GRAMD1B: variants seen among roughly 807,000 people sequenced by gnomAD.
GRAMD1B encodes the protein protein Aster-B.
Under a neutral mutation model 99.7 loss-of-function variants are expected in GRAMD1B, and 37 were observed. That is an observed-to-expected ratio of 0.37 (90% CI 0.29 to 0.49). The LOEUF (loss-of-function observed/expected upper bound fraction) is 0.49, where lower values mean the gene tolerates loss of function less well. Ranked by LOEUF, GRAMD1B falls within the 20% of genes least tolerant of loss-of-function variation. The pLI, the probability that GRAMD1B is intolerant of heterozygous loss-of-function variation, is 0.98. For synonymous variants in GRAMD1B, 427 were observed against 387.6 expected (o/e 1.10, Z -1.19); for missense variants, 888 against 1,009.2 (o/e 0.88, Z 1.63).
chr11:123,552,273 C>CTTTTTTTTTTTT (rs71060514), intron 2 of GRAMD1B, among the ~76,000 whole-genome samples: 1 of 119,338 alleles, frequency 8.4e-6, no homozygotes, highest in Non-Finnish European at 1.7e-5. Context: ...CTCTTTCTTT[C>CTTTTTTTTTTTT]TTTTTTTTTT....
chr11:123,526,418 A>G lies in GRAMD1B; in HGVS notation c.452+45525A>G, dbSNP rs140090563. ...TTGTGGAAGTTGAGGGGCAGTGGAGAGAATCAAATTGCAGCTAAAACGTTC... is the reference window on the plus strand; with the variant it reads ...TTGTGGAAGTTGAGGGGCAGTGGAGGGAATCAAATTGCAGCTAAAACGTTC... On this transcript the variant is annotated intron_variant, in intron 2 of 19. Transcript: ENST00000635736. Among the ~76,000 whole-genome samples, 20 of 152,246 alleles carry G rather than the reference A, an allele frequency of 1.3e-4. No homozygotes were observed. The East Asian group carries it at 3.3e-3, about 25-fold the overall frequency.
chr11:123,419,989 C>A (rs990554258), intron 1 of GRAMD1B, among the ~76,000 whole-genome samples: 1 of 152,046 alleles, frequency 6.6e-6, no homozygotes, highest in Non-Finnish European at 1.5e-5. Flanking sequence ...TGTGAACAAG[C>A]CTTCAAAAAG....
chr11:123,583,215 C>T (rs1157536281), intron 3 of GRAMD1B, among the ~76,000 whole-genome samples: 7 of 146,140 alleles, frequency 4.8e-5, no homozygotes, highest in South Asian at 4.4e-4. Context: ...TGTATTCGTG[C>T]GTGTGTGGTG....
intron 10 of GRAMD1B, among the ~76,000 whole-genome samples, chr11:123,606,003 G>C (rs2136852960): frequency 1.3e-5 from 2 of 152,274 alleles, no homozygotes; most frequent in African/African-American, 4.8e-5. Context: ...ACCTTGATGA[G>C]GAAAGAGGGT....
At chr11:123,423,969 C>A (rs372470772) in intron 1 of GRAMD1B, among the ~76,000 whole-genome samples, 68 of 152,238 alleles carry the variant, frequency 4.5e-4, no homozygotes, top group African/African-American at 1.5e-3. Flanking sequence ...CTCGGCTTCC[C>A]AGTGATTGCT....
chr11:123,387,755 G>A lies in GRAMD1B; in HGVS notation c.-176+28956G>A, dbSNP rs1275781630. ...CCCCGCCCCACAAGTAGCCTGTTTG[G>A]CCTAGGAATGTGCAACCCTTTTTTC... On this transcript the variant is annotated intron_variant, in intron 1 of 20. Coordinates refer to the GRAMD1B transcript ENST00000638157. Among the ~76,000 whole-genome samples the A allele has an allele frequency of 5.5e-5, 7 of 128,140 alleles. No homozygotes were observed. The East Asian group carries it at 1.7e-3, about 31-fold the overall frequency. 84.1% of individuals were successfully genotyped at this position (128,140 alleles called of 152,430 possible). A position where few individuals can be genotyped will look rare whatever the true frequency, so the allele number is the denominator to read the frequency against.
intron 9 of GRAMD1B, 74 bp downstream of exon 9, chr11:123,603,615 GA>G (rs1952289198): frequency 6.0e-6 from 5 of 835,992 alleles, no homozygotes; most frequent in Non-Finnish European, 1.0e-5. Context: ...CAGGCAGAGG[GA>G]ACAGCACACA....
intron 1 of GRAMD1B, among the ~76,000 whole-genome samples, chr11:123,471,160 G>C (rs1184145965): frequency 6.6e-6 from 1 of 152,032 alleles, no homozygotes; most frequent in Non-Finnish European, 1.5e-5. Context: ...ACCTCATATG[G>C]GCCCAGGCAT....
intron 2 of GRAMD1B, among the ~76,000 whole-genome samples, chr11:123,484,416 T>C (rs1307338220): frequency 2.6e-5 from 4 of 152,120 alleles, no homozygotes; most frequent in Admixed American, 1.3e-4. Context: ...TATTCTAATT[T>C]CTCCTCTCTA....
chr11:123,420,278 A>G (rs1274122458), intron 1 of GRAMD1B, among the ~76,000 whole-genome samples: 1 of 152,194 alleles, frequency 6.6e-6, no homozygotes, highest in Non-Finnish European at 1.5e-5. Context: ...TAATGGAACC[A>G]GGAAGCACCA....
At chr11:123,388,743 C>T (rs1565466514) in intron 1 of GRAMD1B, among the ~76,000 whole-genome samples, 1 of 151,958 alleles carries the variant, frequency 6.6e-6, no homozygotes, top group Non-Finnish European at 1.5e-5. Flanking sequence ...AGCTTTTTTG[C>T]CCCTTCTGCT....
At chr11:123,488,385 C>T (rs184410437) in intron 2 of GRAMD1B, among the ~76,000 whole-genome samples, 16 of 152,234 alleles carry the variant, frequency 1.1e-4, no homozygotes, top group East Asian at 5.8e-4. Flanking sequence ...TACCTCCCCC[C>T]GGAGCTCTCC....
intron 1 of GRAMD1B, among the ~76,000 whole-genome samples, chr11:123,387,786 A>G (rs922241900): frequency 1.4e-5 from 2 of 141,178 alleles, no homozygotes; most frequent in Admixed American, 1.6e-4. Flanking sequence ...TTTTCTTTCA[A>G]ATAACAAGGC....
At chr11:123,456,421 C>A (rs1261045589) in intron 1 of GRAMD1B, among the ~76,000 whole-genome samples, 1 of 152,122 alleles carries the variant, frequency 6.6e-6, no homozygotes, top group African/African-American at 2.4e-5. Context: ...CTACTAAATA[C>A]CTCTGTGACT....
At chr11:123,621,887 T>C (rs370030605) in intron 19 of GRAMD1B, among the ~76,000 whole-genome samples, 1 of 145,282 alleles carries the variant, frequency 6.9e-6, no homozygotes, top group Non-Finnish European at 1.5e-5. Context: ...TCTTTTTCTT[T>C]CTTTCTTTCT....
chr11:123,453,858 T>A (rs1949996802), intron 1 of GRAMD1B, among the ~76,000 whole-genome samples: 1 of 152,210 alleles, frequency 6.6e-6, no homozygotes, highest in South Asian at 2.1e-4. Flanking sequence ...ATGGAGCATC[T>A]GAAGTCCCAG....
At chr11:123,598,407 T>G in intron 7 of GRAMD1B, 1 of 940,138 alleles carries the variant, frequency 1.1e-6, no homozygotes, top group East Asian at 2.4e-5. Flanking sequence ...TGTCCTTGCT[T>G]GCTCGCGTTG....
intron 1 of GRAMD1B, among the ~76,000 whole-genome samples, chr11:123,362,515 G>A (rs941607774): frequency 2.0e-5 from 3 of 152,068 alleles, no homozygotes; most frequent in Non-Finnish European, 4.4e-5. Flanking sequence ...AGTGCAACTT[G>A]CATTTATTTT....
At position 123,526,109 on chromosome 11, in the gene GRAMD1B, A is replaced by G. The variant is rs1267197207; in HGVS notation, c.452+45216A>G. ...TGGGACCTCCGGAGCTGTAACGGGG[A>G]TGCTAAGGACACGGTCAGTGGATTA... On this transcript the variant is annotated intron_variant, in intron 2 of 19. Transcript: ENST00000635736. 4 of 1,599,586 alleles carry G rather than the reference A, an allele frequency of 2.5e-6. No homozygotes were observed. The East Asian group carries it at 8.9e-5, about 36-fold the overall frequency.
Sources: gnomAD v4.1 joint callset for allele counts (sites outside exome capture counted in the v4.1 genomes callset) on GRCh38, gnomAD v4.1.1 for gene constraint, MANE v1.5 for transcripts, NCBI Gene and HGNC (gene_info 2026-07-23, HGNC 2026-07-21) for gene names.